The following GOLGB1 variants were observed in gnomAD, a reference collection of about 807,000 sequenced individuals.
GOLGB1 encodes golgin subfamily B member 1.
In GOLGB1, 174 loss-of-function variants were observed where a neutral mutation model predicts 336.9. The observed-to-expected ratio is 0.52, with a 90% confidence interval of 0.46 to 0.59. GOLGB1 has a LOEUF of 0.59. Ranked by LOEUF, GOLGB1 falls within the 20% of genes least tolerant of loss-of-function variation. The pLI is 0.00. For synonymous variants in GOLGB1, 1,208 were observed against 1,289.2 expected, an observed-to-expected ratio of 0.94 and a Z score of 1.35; for missense variants, 3,331 against 3,645.3, an observed-to-expected ratio of 0.91 and a Z score of 2.22.
Position 121,698,786 on chromosome 3 carries a change from T to C in GOLGB1, c.1737A>G (p.Ala579=). Residue 579 remains alanine (A), a synonymous_variant, in exon 13 of 22, where the codon GCA becomes GCG. Coordinates refer to ENST00000614479, the MANE Select transcript of GOLGB1 (RefSeq NM_001366282.2). Reference sequence around the variant, plus strand: ...TTCCCTGGAGCTGTAATTTAAGAAATGCAATTTCCTCTTGAGCTTCTTTCA... The same window carrying C: ...TTCCCTGGAGCTGTAATTTAAGAAACGCAATTTCCTCTTGAGCTTCTTTCA... The part of the protein sequence containing the change: ...LEMKEAQEEI[A]FLKLQLQGKR... 4 of 1,613,734 alleles carry C rather than the reference T, an allele frequency of 2.5e-6. No individual in the cohort carries two copies. Among genetic ancestry groups the C allele is most frequent in the Non-Finnish European group, 3.4e-6 (4 of 1,179,750 alleles).
chr3:121,689,049 G>A (rs1425079073), intron 14 of GOLGB1, among the ~76,000 whole-genome samples: 12 of 147,382 alleles, frequency 8.1e-5, no homozygotes, highest in South Asian at 2.2e-4. Flanking sequence ...CAGCCGCCCC[G>A]TCCGGGAGGG....
chr3:121,726,374 CAG>C (rs1945599511), intron 5 of GOLGB1, among the ~76,000 whole-genome samples: 2 of 128,632 alleles, frequency 1.6e-5, no homozygotes, highest in South Asian at 4.9e-4. Context: ...GCAGAGGTTA[CAG>C]AGAGCTGAGA....
rs376154506 is a variant in GOLGB1 at position 121,697,097 on chromosome 3, G to A, written c.3426C>T (p.Ser1142=). ...CCACTGTTTCCTTTACAAGTGCTAC[G>A]GAGTCCCCATCACTTGCATCCGTGT... is the stretch of plus-strand genomic sequence containing the variant. The part of the protein sequence containing the change: ...TSNTDASDGD[S]VALVKETVVI... The change falls in exon 13 of 22, where the codon TCC becomes TCT. Residue 1142 remains serine (S), a synonymous_variant. Transcript: ENST00000614479. The A allele has an allele frequency of 1.5e-5, 24 of 1,613,902 alleles. No homozygotes were observed. Among genetic ancestry groups the A allele is most frequent in the South Asian group, 3.3e-5 (3 of 91,088 alleles).
chr3:121,670,757 G>T (rs903597807), intron 17 of GOLGB1, among the ~76,000 whole-genome samples: 2 of 136,152 alleles, frequency 1.5e-5, no homozygotes, highest in African/African-American at 3.1e-5. Context: ...TTTTCTTTTG[G>T]GGGGGGGGGT....
intron 14 of GOLGB1, among the ~76,000 whole-genome samples, chr3:121,684,140 A>AAAAAAAAAAAAAAAAAAAAAT (rs1941447527): frequency 6.7e-6 from 1 of 148,694 alleles, no homozygotes; most frequent in Non-Finnish European, 1.5e-5. Context: ...AAAAAAAAAA[A>AAAAAAAAAAAAAAAAAAAAAT]AAAAAAAAAA....
rs1422326220 is a variant in GOLGB1 at position 121,719,732 on chromosome 3, C to A, written c.685G>T (p.Ala229Ser). Residue 229 changes from alanine (A) to serine (S), a missense_variant, in exon 7 of 22, where the codon GCC becomes TCC. Ala to Ser is a moderately conservative substitution (Grantham distance 99). Coordinates refer to ENST00000614479, the MANE Select transcript of GOLGB1 (RefSeq NM_001366282.2). Reference sequence around the variant, plus strand: ...AGACGAACTTGTGTTTCAAAGCGGGCATCTTTCTCTCGGACCACCTGCTGC... The same window carrying A: ...AGACGAACTTGTGTTTCAAAGCGGGAATCTTTCTCTCGGACCACCTGCTGC... ...SMQQVVREKD[A>S]RFETQVRLHE... 1.2e-6 allele frequency: 2 copies of A among 1,608,686 alleles called. No individual in the cohort carries two copies. Among genetic ancestry groups the A allele is most frequent in the African/African-American group, 1.3e-5 (1 of 74,534 alleles).
At chr3:121,682,685 G>A (rs1252116127) in intron 14 of GOLGB1, among the ~76,000 whole-genome samples, 3 of 152,070 alleles carry the variant, frequency 2.0e-5, no homozygotes, top group Non-Finnish European at 4.4e-5. Flanking sequence ...CAAAGATGGG[G>A]GTCTTGTTCA....
At chr3:121,666,999 T>C (rs949907682) in intron 20 of GOLGB1, among the ~76,000 whole-genome samples, 8 of 152,224 alleles carry the variant, frequency 5.3e-5, no homozygotes, top group Admixed American at 3.9e-4. Context: ...CCCAACATTG[T>C]CTGTGACTGG....
chr3:121,723,890 G>A (rs1945364481), intron 5 of GOLGB1, among the ~76,000 whole-genome samples: 2 of 152,064 alleles, frequency 1.3e-5, no homozygotes, highest in South Asian at 2.1e-4. Flanking sequence ...AACAGAAAAG[G>A]ATGAAGGTCA....
chr3:121,676,648 T>A (rs1207616428), intron 17 of GOLGB1, among the ~76,000 whole-genome samples: 3 of 152,202 alleles, frequency 2.0e-5, no homozygotes, highest in Non-Finnish European at 1.5e-5. Flanking sequence ...CTAAAGTAGT[T>A]GGCTTCTTTA....
chr3:121,732,815 CA>C (rs1051891364), intron 1 of GOLGB1, among the ~76,000 whole-genome samples: 5 of 152,076 alleles, frequency 3.3e-5, no homozygotes, highest in Non-Finnish European at 7.4e-5. Flanking sequence ...ATATGAGAAA[CA>C]AGGCAAAGAT....
intron 1 of GOLGB1, among the ~76,000 whole-genome samples, chr3:121,733,578 C>G (rs1254841575): frequency 6.6e-6 from 1 of 152,058 alleles, no homozygotes; most frequent in African/African-American, 2.4e-5. Flanking sequence ...TAGTGCAATT[C>G]CAAACTTAAT....
At chr3:121,727,122 T>C in intron 4 of GOLGB1, 81 bp from the exon 5 acceptor site, 1 of 754,852 alleles carries the variant, frequency 1.3e-6, no homozygotes, top group Non-Finnish European at 1.9e-6. Flanking sequence ...ATTTTTCATT[T>C]ACAACCATTT....
At chr3:121,676,779 T>C in intron 17 of GOLGB1, 114 bp downstream of exon 17, 1 of 907,238 alleles carries the variant, frequency 1.1e-6, no homozygotes, top group East Asian at 2.5e-5. Flanking sequence ...GTGAAACTTC[T>C]GTACCCTAAG....
chr3:121,668,257 A>G (rs1938934815), intron 18 of GOLGB1, 99 bp from the exon 19 acceptor site: 2 of 626,346 alleles, frequency 3.2e-6, no homozygotes, highest in East Asian at 3.0e-5. Context: ...ATCCCCGCTT[A>G]TAATTCTCAA....
chr3:121,722,856 T>C (rs553260446), intron 5 of GOLGB1, among the ~76,000 whole-genome samples: 9 of 152,284 alleles, frequency 5.9e-5, no homozygotes, highest in Non-Finnish European at 1.0e-4. Context: ...AGCTGGCCAA[T>C]TTTAGAATAG....
chr3:121,702,842 C>T (rs1943517238), intron 10 of GOLGB1, among the ~76,000 whole-genome samples: 1 of 152,084 alleles, frequency 6.6e-6, no homozygotes, highest in Admixed American at 6.6e-5. Context: ...AGATTGAAGC[C>T]TGGATTACAA....
At position 121,730,923 on chromosome 3, in the gene GOLGB1, A is replaced by T. The variant is rs1382442337; in HGVS notation, c.49T>A (p.Ser17Thr). Residue 17 changes from serine to threonine, a missense_variant, in exon 2 of 22, where the codon TCA becomes ACA. Coordinates refer to ENST00000614479, the MANE Select transcript of GOLGB1 (RefSeq NM_001366282.2). ...GLANVVLHEL[S>T]GDDDTDQNMR... is the part of the protein sequence containing the mutation. ...TTCTGATCAGTGTCATCATCTCCTG[A>T]TAATTCATGCAAAACAACATTTGCT... 6.2e-7 allele frequency: 1 copy of T among 1,613,270 alleles called. No homozygotes were observed.
At chr3:121,699,557 AT>A (rs1370893933) in intron 12 of GOLGB1, among the ~76,000 whole-genome samples, 1 of 152,188 alleles carries the variant, frequency 6.6e-6, no homozygotes, top group Non-Finnish European at 1.5e-5. Context: ...ATAACCCAGT[AT>A]AAAAAAATGT....
Sources: gnomAD v4.1 joint callset for allele counts (sites outside exome capture counted in the v4.1 genomes callset) on GRCh38, gnomAD v4.1.1 for gene constraint, MANE v1.5 for transcripts, NCBI Gene and HGNC (gene_info 2026-07-23, HGNC 2026-07-21) for gene names.